Variants in KIF26B observed in about 807,000 individuals in gnomAD.
KIF26B encodes the protein kinesin-like protein KIF26B.
KIF26B carries 63 observed loss-of-function variants against 151.2 expected under a neutral mutation model. The ratio of observed to expected loss-of-function variants is 0.42; its 90% CI spans 0.34 to 0.51. The LOEUF is 0.51. Ranked by LOEUF, KIF26B falls within the 20% of genes least tolerant of loss-of-function variation. The pLI is 0.07. For synonymous variants in KIF26B, 1,357 were observed against 1,262.1 expected (o/e 1.08, Z -1.59); for missense variants, 2,813 against 2,913.6 (o/e 0.97, Z 0.79).
At chr1:245,635,590 A>T in intron 9 of KIF26B, among the ~76,000 whole-genome samples, 1 of 149,714 alleles carries the variant, frequency 6.7e-6, no homozygotes, top group Non-Finnish European at 1.5e-5. Context: ...ACTTTTCTCC[A>T]TTGTTTTTGG....
intron 2 of KIF26B, among the ~76,000 whole-genome samples, chr1:245,217,433 C>T (rs1476153546): frequency 3.3e-5 from 5 of 149,778 alleles, no homozygotes; most frequent in East Asian, 3.9e-4. Flanking sequence ...GGCACAATCT[C>T]GGCCCGCTGC....
At chr1:245,468,716 G>A (rs1659846062) in intron 4 of KIF26B, among the ~76,000 whole-genome samples, 1 of 152,064 alleles carries the variant, frequency 6.6e-6, no homozygotes, top group African/African-American at 2.4e-5. Context: ...GAGGGGCTTT[G>A]TTATTGAATT....
At chr1:245,159,651 T>C (rs1035285812) in intron 2 of KIF26B, among the ~76,000 whole-genome samples, 3 of 152,232 alleles carry the variant, frequency 2.0e-5, no homozygotes, top group African/African-American at 7.2e-5. Flanking sequence ...TCTGTATATT[T>C]TCTAAACATG....
At chr1:245,620,894 T>C (rs1024091416) in intron 9 of KIF26B, among the ~76,000 whole-genome samples, 1 of 152,186 alleles carries the variant, frequency 6.6e-6, no homozygotes, top group Non-Finnish European at 1.5e-5. Context: ...CTGATTCTTT[T>C]TGGAGCAAAA....
intron 2 of KIF26B, among the ~76,000 whole-genome samples, chr1:245,307,176 G>A (rs1051749744): frequency 6.6e-6 from 1 of 152,194 alleles, no homozygotes; most frequent in African/African-American, 2.4e-5. Flanking sequence ...TAGTTTGTCA[G>A]ATGAGGTAAT....
chr1:245,367,464 T>G lies in KIF26B; in HGVS notation c.999+97T>G. 9 of 1,146,192 alleles carry G rather than the reference T, an allele frequency of 7.9e-6. No individual in the cohort carries two copies. Among genetic ancestry groups the G allele is most frequent in the Non-Finnish European group, 1.1e-5 (9 of 823,402 alleles). The allele number at this position is 1,146,192 out of a possible 1,614,324, so 71.0% of individuals were successfully genotyped here. A position where few individuals can be genotyped will look rare whatever the true frequency, so the allele number is the denominator to read the frequency against. ...TTCCGCTGCCTCCTCCCGGGAACCC[T>G]GTAACTCAGAGCCCAGTGTTTCCAT... is the stretch of plus-strand genomic sequence containing the variant. On this transcript the variant is annotated intron_variant, in intron 3 of 14. Coordinates refer to ENST00000407071, the MANE Select transcript of KIF26B (RefSeq NM_018012.4). The surrounding 1 kb of genome is among the most constrained non-coding windows in gnomAD (Gnocchi z 4.2).
In KIF26B at chr1:245,375,411, A is replaced by G. The variant is rs534325150; in HGVS notation, c.999+8044A>G. Among the ~76,000 whole-genome samples, 7 of 152,266 alleles carry G rather than the reference A, an allele frequency of 4.6e-5. No individual in the cohort carries two copies. Among genetic ancestry groups the G allele is most frequent in the African/African-American group, 1.4e-4 (6 of 41,546 alleles). ...ATTTTAGACTATCTGGGTGGACTCA[A>G]TGTAATTACAAGGATCCTTAAAGAG... On this transcript the variant is annotated intron_variant, in intron 3 of 14. Coordinates refer to ENST00000407071, the MANE Select transcript of KIF26B (RefSeq NM_018012.4). The surrounding 1 kb of genome is among the most constrained non-coding windows in gnomAD (Gnocchi z 4.2).
At chr1:245,286,521 G>A (rs1049488570) in intron 2 of KIF26B, among the ~76,000 whole-genome samples, 4 of 151,892 alleles carry the variant, frequency 2.6e-5, no homozygotes, top group East Asian at 1.9e-4. Context: ...TAGCCTGGGC[G>A]ACAGAGTGAG....
intron 5 of KIF26B, among the ~76,000 whole-genome samples, chr1:245,594,713 T>C (rs1051471612): frequency 1.8e-4 from 28 of 152,328 alleles, no homozygotes; most frequent in Middle Eastern, 3.4e-3. Context: ...AGAAAGTCAA[T>C]GGTAGCTTGG....
intron 2 of KIF26B, among the ~76,000 whole-genome samples, chr1:245,265,471 T>C (rs1436218072): frequency 1.3e-5 from 2 of 152,012 alleles, no homozygotes; most frequent in African/African-American, 4.8e-5. Flanking sequence ...TCCTCACATA[T>C]CCTATATACA....
At chr1:245,466,780 G>A (rs1304611012) in intron 4 of KIF26B, among the ~76,000 whole-genome samples, 1 of 152,126 alleles carries the variant, frequency 6.6e-6, no homozygotes, top group Non-Finnish European at 1.5e-5. Flanking sequence ...ACAAAAATTA[G>A]CAGGGCGTGG....
intron 2 of KIF26B, among the ~76,000 whole-genome samples, chr1:245,228,875 G>T (rs1558353601): frequency 6.6e-6 from 1 of 152,156 alleles, no homozygotes; most frequent in Non-Finnish European, 1.5e-5. Flanking sequence ...ATCACCGCAT[G>T]ATACTGACTC....
intron 4 of KIF26B, among the ~76,000 whole-genome samples, chr1:245,530,058 G>A (rs1175432566): frequency 6.6e-6 from 1 of 152,140 alleles, no homozygotes; most frequent in African/African-American, 2.4e-5. Context: ...ACAAGTGGCA[G>A]ACAGGTACAT....
At chr1:245,647,501 A>G (rs2043964884) in intron 10 of KIF26B, among the ~76,000 whole-genome samples, 1 of 152,102 alleles carries the variant, frequency 6.6e-6, no homozygotes. Flanking sequence ...ACCAATGATG[A>G]AAGTCTGGTT....
At chr1:245,463,197 G>T (rs777925466) in intron 4 of KIF26B, among the ~76,000 whole-genome samples, 9 of 152,158 alleles carry the variant, frequency 5.9e-5, no homozygotes, top group Non-Finnish European at 1.3e-4. Flanking sequence ...CCCTTCAGCC[G>T]TGGTGCTCAA....
rs185500017 is a variant in KIF26B, at chr1:245,455,633, C to A, written c.1166+35888C>A. Among the ~76,000 whole-genome samples, 389 of 152,330 alleles carry A rather than the reference C, an allele frequency of 2.6e-3. 2 individuals are homozygous for A. The highest frequency in any genetic ancestry group is 9.1e-3 in the African/African-American group (379 of 41,572). On this transcript the variant is annotated intron_variant, in intron 4 of 14. Transcript: ENST00000407071. The stretch of plus-strand genomic sequence containing the variant: ...AGAAATAAAAGCTCTCTTTAGCTGC[C>A]TTCTTCTCCCGTCATTGAGAAGAGC...
chr1:245,174,592 A>G (rs4658717), intron 2 of KIF26B, among the ~76,000 whole-genome samples: 133,597 of 152,158 alleles, frequency 0.88, 58,959 homozygotes, highest in East Asian at 0.93. Flanking sequence ...CTGTAACCTC[A>G]AACTCCTGGG....
At chr1:245,426,457 G>T (rs115933990) in intron 4 of KIF26B, among the ~76,000 whole-genome samples, 235 of 152,160 alleles carry the variant, frequency 1.5e-3, no homozygotes, top group African/African-American at 5.2e-3. Flanking sequence ...ACTCCTTGCC[G>T]TCGGCCCAAA....
intron 2 of KIF26B, among the ~76,000 whole-genome samples, chr1:245,242,512 T>C (rs1488460942): frequency 1.3e-5 from 2 of 152,198 alleles, no homozygotes; most frequent in Admixed American, 1.3e-4. Flanking sequence ...AATAAAAAGT[T>C]GTATGTAAAT....
Sources: gnomAD v4.1 joint callset for allele counts (sites outside exome capture counted in the v4.1 genomes callset) on GRCh38, gnomAD v4.1.1 for gene constraint, Gnocchi (gnomAD v3.1) non-coding constraint, MANE v1.5 for transcripts, NCBI Gene and HGNC (gene_info 2026-07-23, HGNC 2026-07-21) for gene names.